Variants in DIP2C observed in about 807,000 individuals in gnomAD.
DIP2C encodes the protein disco-interacting protein 2 homolog C.
DIP2C carries 33 observed loss-of-function variants against 192.4 expected under a neutral mutation model. The observed-to-expected ratio is 0.17, with a 90% CI of 0.13 to 0.23. DIP2C has a LOEUF of 0.23. DIP2C is among the 10% of genes least tolerant of loss of function. The pLI is 1.00. For synonymous variants in DIP2C, 979 were observed against 864.1 expected (o/e 1.13, Z -2.33); for missense variants, 1,537 against 2,110.1 (o/e 0.73, Z 5.32).
At chr10:536,952 C>T (rs770252007) in intron 1 of DIP2C, among the ~76,000 whole-genome samples, 8 of 152,162 alleles carry the variant, frequency 5.3e-5, no homozygotes, top group Non-Finnish European at 1.0e-4. Flanking sequence ...GCCGTGACAC[C>T]ACCACCCATT....
At position 633,355 on chromosome 10, in the gene DIP2C, G is replaced by A. The variant is rs933299311; in HGVS notation, c.85+56139C>T. Reference sequence around the variant, plus strand: ...AGGGCAACAGCGTTCACATTCCGGCGGTGCCATAGAGCAGACGGGGGGAGT... The same window carrying A: ...AGGGCAACAGCGTTCACATTCCGGCAGTGCCATAGAGCAGACGGGGGGAGT... On this transcript the variant is annotated intron_variant, in intron 1 of 36. Coordinates refer to ENST00000280886, the MANE Select transcript of DIP2C (RefSeq NM_014974.3). Among the ~76,000 whole-genome samples, 11 of 152,338 alleles carry A rather than the reference G, an allele frequency of 7.2e-5. 1 individual carries two copies. Among genetic ancestry groups the A allele is most frequent in the Middle Eastern group, 6.8e-3 (2 of 294 alleles).
chr10:455,144 C>T (rs1031731243), intron 3 of DIP2C, among the ~76,000 whole-genome samples: 5 of 152,184 alleles, frequency 3.3e-5, no homozygotes, highest in Admixed American at 2.6e-4. Flanking sequence ...GACGTAGGTT[C>T]GGGAGCCAGG....
chr10:520,439 C>T (rs11252926), intron 1 of DIP2C, among the ~76,000 whole-genome samples: 37,827 of 152,166 alleles, frequency 0.25, 5,877 homozygotes, highest in Non-Finnish European at 0.35. Flanking sequence ...TTTCTGCATA[C>T]AAAAAAAATT....
intron 4 of DIP2C, among the ~76,000 whole-genome samples, chr10:423,683 GTGTGTTAGATAA>G (rs1195213717): frequency 1.9e-3 from 284 of 152,280 alleles, no homozygotes; most frequent in African/African-American, 6.0e-3. Context: ...TTGTGCGTTG[GTGTGTTAGATAA>G]CCATGCAGCT....
chr10:480,673 C>G (rs1843537954), intron 2 of DIP2C, among the ~76,000 whole-genome samples: 1 of 152,180 alleles, frequency 6.6e-6, no homozygotes, highest in Non-Finnish European at 1.5e-5. Context: ...TGCACTCCCT[C>G]CATAGCGGCT....
In DIP2C at chr10:345,013, A is replaced by T. The variant is rs779686826; in HGVS notation, c.3329T>A (p.Leu1110His). Reference sequence around the variant, plus strand: ...AAAGCACCAACCTGTGTCCAGGATGAGGGGCCACGTCCTGACGTCCACAGC... The same window carrying T: ...AAAGCACCAACCTGTGTCCAGGATGTGGGGCCACGTCCTGACGTCCACAGC... The part of the protein sequence containing the change: ...AAAVDVRTWP[L>H]ILDTDDLPKK... The change falls in exon 27 of 37, where the codon CTC becomes CAC. Residue 1110 changes from leucine to histidine, a missense_variant. By Grantham distance (99) the Leu-to-His change is moderately conservative. Transcript: ENST00000280886. 1 of 1,612,810 alleles carries T rather than the reference A, an allele frequency of 6.2e-7. No homozygotes were observed. The highest frequency in any genetic ancestry group is 1.7e-5 in the Admixed American group (1 of 59,950).
At chr10:579,505 G>A (rs896689946) in intron 1 of DIP2C, among the ~76,000 whole-genome samples, 1 of 151,462 alleles carries the variant, frequency 6.6e-6, no homozygotes, top group Non-Finnish European at 1.5e-5. Flanking sequence ...TGCACTATGT[G>A]TGTACATGCA....
At chr10:374,329 A>T (rs1246701279) in intron 17 of DIP2C, among the ~76,000 whole-genome samples, 1 of 152,200 alleles carries the variant, frequency 6.6e-6, no homozygotes, top group Non-Finnish European at 1.5e-5. Context: ...AAAATAACAT[A>T]CTTTGCATTC....
chr10:535,743 C>G (rs1225469947), intron 1 of DIP2C, among the ~76,000 whole-genome samples: 1 of 152,078 alleles, frequency 6.6e-6, no homozygotes, highest in Non-Finnish European at 1.5e-5. Flanking sequence ...GCACTCAAAT[C>G]TTTTATGTCA....
chr10:543,014 G>C lies in DIP2C; in HGVS notation c.86-56484C>G, dbSNP rs74363870. On this transcript the variant is annotated intron_variant, in intron 1 of 36. Transcript: ENST00000280886. ...AGCACCAGGAAAAGTCAAACATTGA[G>C]TGATGACGATGACACCAATACCAAA... Among the ~76,000 whole-genome samples, 14 of 152,348 alleles carry C rather than the reference G, an allele frequency of 9.2e-5. No homozygotes were observed. The East Asian group carries it at 2.1e-3, about 23-fold the overall frequency.
At chr10:342,386 C>T (rs1211635563) in intron 28 of DIP2C, among the ~76,000 whole-genome samples, 1 of 152,172 alleles carries the variant, frequency 6.6e-6, no homozygotes, top group East Asian at 1.9e-4. Context: ...TCTCGATCTC[C>T]TGACCTCGTG....
chr10:408,503 T>G (rs77988770), intron 9 of DIP2C, among the ~76,000 whole-genome samples: 1 of 152,226 alleles, frequency 6.6e-6, no homozygotes, highest in African/African-American at 2.4e-5. Context: ...CATGCCTTTA[T>G]AGTATTGCTT....
Position 390,291 on chromosome 10 carries a change from A to G in DIP2C, c.1467T>C (p.Asp489=). The part of the protein sequence containing the change: ...PPRDWFPHIK[D]ANNDTAYIEY... The stretch of plus-strand genomic sequence containing the variant: ...CAATATACGCAGTGTCGTTATTGGC[A>G]TCTTTAATGTGTGGGAACCAGTCTC... The change falls in exon 12 of 37, where the codon GAT becomes GAC. Residue 489 remains aspartate (D), a synonymous_variant. Transcript: ENST00000280886. 1 of 1,613,842 alleles carries G rather than the reference A, an allele frequency of 6.2e-7. No individual in the cohort carries two copies. The highest frequency in any genetic ancestry group is 8.5e-7 in the Non-Finnish European group (1 of 1,179,944).
chr10:594,321 CCA>C (rs1162877034), intron 1 of DIP2C, among the ~76,000 whole-genome samples: 1 of 152,202 alleles, frequency 6.6e-6, no homozygotes, highest in African/African-American at 2.4e-5. Flanking sequence ...ATGAAACTCC[CCA>C]CTTACCTCCC....
At chr10:580,878 T>C (rs1043876322) in intron 1 of DIP2C, among the ~76,000 whole-genome samples, 1 of 152,244 alleles carries the variant, frequency 6.6e-6, no homozygotes, top group African/African-American at 2.4e-5. Flanking sequence ...TTCAGAGGTT[T>C]CCTAACATAG....
At chr10:595,031 G>A (rs1393588487) in intron 1 of DIP2C, among the ~76,000 whole-genome samples, 2 of 152,224 alleles carry the variant, frequency 1.3e-5, no homozygotes, top group Admixed American at 1.3e-4. Context: ...AAGGTGCAGT[G>A]TGTCCGATGC....
chr10:369,702 A>G (rs1564625340), intron 17 of DIP2C, 69 bp from the exon 18 acceptor site: 3 of 1,611,142 alleles, frequency 1.9e-6, no homozygotes, highest in Non-Finnish European at 2.5e-6. Context: ...ATGTGCAGTC[A>G]GCACACATGC....
intron 28 of DIP2C, among the ~76,000 whole-genome samples, chr10:342,333 T>C (rs994691239): frequency 6.6e-6 from 1 of 152,170 alleles, no homozygotes; most frequent in African/African-American, 2.4e-5. Flanking sequence ...TAATTTTTTG[T>C]ATTTTTAGTA....
chr10:487,771 G>T (rs1026193588), intron 1 of DIP2C, among the ~76,000 whole-genome samples: 6 of 151,774 alleles, frequency 4.0e-5, no homozygotes, highest in Non-Finnish European at 7.4e-5. Flanking sequence ...TAGAGACAGG[G>T]TTTCACCATG....
Sources: allele counts gnomAD v4.1 joint callset (sites outside exome capture counted in the v4.1 genomes callset), GRCh38; gene constraint gnomAD v4.1.1; transcripts MANE v1.5; gene names NCBI Gene and HGNC (gene_info 2026-07-23, HGNC 2026-07-21).